Variants in SNAP91 observed in about 807,000 individuals in gnomAD.
SNAP91 encodes the protein clathrin coat assembly protein AP180.
SNAP91 carries 27 observed loss-of-function variants against 100.3 expected under a neutral mutation model. The ratio of observed to expected loss-of-function variants is 0.27; its 90% CI spans 0.20 to 0.37. The LOEUF (loss-of-function observed/expected upper bound fraction) is 0.37, where lower values mean the gene tolerates loss of function less well. Among genes scored for constraint, SNAP91 ranks in the 10% least tolerant of loss-of-function variants. The pLI is 1.00. For missense variants in SNAP91, 986 were observed against 1,123.7 expected (o/e 0.88, Z 1.75); for synonymous variants, 404 against 398.6 (o/e 1.01, Z -0.16).
At chr6:83,593,055 A>G in intron 19 of SNAP91, 38 bp from the exon 20 acceptor site, 1 of 1,546,068 alleles carries the variant, frequency 6.5e-7, no homozygotes, top group Non-Finnish European at 8.8e-7. Flanking sequence ...AAGCAGAGGT[A>G]AGTAGTAGAA....
chr6:83,618,128 C>CA lies in SNAP91; in HGVS notation c.808-1090dup, dbSNP rs139097432. ...AATCTTTAATTTTGAAAATTCAGGA[C>CA]ATTTATTTAATATTCATTTTTCATT... is the stretch of plus-strand genomic sequence containing the variant. On this transcript the variant is annotated intron_variant, in intron 9 of 29. Transcript: ENST00000369694. Among the ~76,000 whole-genome samples, 1,241 of 151,822 alleles carry CA rather than the reference C, an allele frequency of 8.2e-3. 15 individuals carry two copies. The highest frequency in any genetic ancestry group is 0.028 in the African/African-American group (1,171 of 41,504).
At chr6:83,573,553 A>G (rs1812423870) in intron 26 of SNAP91, among the ~76,000 whole-genome samples, 1 of 152,144 alleles carries the variant, frequency 6.6e-6, no homozygotes, top group Non-Finnish European at 1.5e-5. Context: ...TTCAAACTAT[A>G]CTACAAGGCT....
At chr6:83,589,801 C>G (rs2093453689) in intron 22 of SNAP91, among the ~76,000 whole-genome samples, 1 of 152,150 alleles carries the variant, frequency 6.6e-6, no homozygotes, top group Non-Finnish European at 1.5e-5. Flanking sequence ...ACTCAAACTC[C>G]CTACAACTCT....
chr6:83,673,980 CAGG>C (rs1248127131), intron 2 of SNAP91, among the ~76,000 whole-genome samples: 1 of 152,198 alleles, frequency 6.6e-6, no homozygotes, highest in African/African-American at 2.4e-5. Context: ...GCCATCTCAA[CAGG>C]AGGACAGACT....
chr6:83,609,930 C>T (rs1026804991), intron 12 of SNAP91, among the ~76,000 whole-genome samples: 3 of 152,074 alleles, frequency 2.0e-5, no homozygotes, highest in Admixed American at 6.6e-5. Flanking sequence ...AATATAAATA[C>T]GTGAAAATCT....
In SNAP91 at chr6:83,694,166, C is replaced by T. The variant is rs147617350; in HGVS notation, c.130+13632G>A. ...ATGCTGTGTATTCACATCCCATTTCCTTCTGCTCCTGGACTCACAACTAGG... is the reference window on the plus strand; with the variant it reads ...ATGCTGTGTATTCACATCCCATTTCTTTCTGCTCCTGGACTCACAACTAGG... On this transcript the variant is annotated intron_variant, in intron 2 of 29. Coordinates refer to ENST00000369694, the MANE Select transcript of SNAP91 (RefSeq NM_001242792.2). Among the ~76,000 whole-genome samples, 699 of 152,310 alleles carry T rather than the reference C, an allele frequency of 4.6e-3. 7 individuals are homozygous for T. Among genetic ancestry groups the T allele is most frequent in the African/African-American group, 0.016 (671 of 41,574 alleles).
intron 12 of SNAP91, 25 bp from the exon 13 acceptor site, chr6:83,607,833 C>T (rs1223784958): frequency 1.7e-5 from 24 of 1,420,908 alleles, no homozygotes; most frequent in African/African-American, 2.8e-5. Flanking sequence ...GCACAACACA[C>T]TTGAGTCAAA....
chr6:83,558,372 A>G (rs1421886575), intron 28 of SNAP91, among the ~76,000 whole-genome samples: 2 of 152,202 alleles, frequency 1.3e-5, no homozygotes, highest in African/African-American at 4.8e-5. Context: ...TATACCCAAA[A>G]CCTTCCTGAC....
chr6:83,701,593 C>G (rs2099311272), intron 2 of SNAP91, among the ~76,000 whole-genome samples: 1 of 152,010 alleles, frequency 6.6e-6, no homozygotes, highest in Non-Finnish European at 1.5e-5. Flanking sequence ...ATTACAGGTG[C>G]CTGCCACCAC....
chr6:83,695,658 C>T (rs1260094282), intron 2 of SNAP91, among the ~76,000 whole-genome samples: 1 of 152,084 alleles, frequency 6.6e-6, no homozygotes, highest in African/African-American at 2.4e-5. Flanking sequence ...TTTACACTTG[C>T]AGCAATTGAG....
At chr6:83,697,581 T>C (rs2099235579) in intron 2 of SNAP91, among the ~76,000 whole-genome samples, 2 of 152,174 alleles carry the variant, frequency 1.3e-5, no homozygotes, top group Admixed American at 1.3e-4. Flanking sequence ...GATTAAATCG[T>C]TGTCAGATCA....
rs1349324272 is a variant in SNAP91 at position 83,592,539 on chromosome 6, C to T, written c.1847-1G>A. 6.2e-7 allele frequency: 1 copy of T among 1,605,224 alleles called. No homozygotes were observed. On this transcript the variant is annotated splice_acceptor_variant, in intron 20 of 29. Transcript: ENST00000369694. LOFTEE classifies it high-confidence loss of function. ...GGAGATGGTGCTGCAAATGCATCCA[C>T]TGCAGTGAAGCACAGACAGGAAAAA...
chr6:83,704,695 A>G (rs2099357167), intron 2 of SNAP91, among the ~76,000 whole-genome samples: 1 of 151,690 alleles, frequency 6.6e-6, no homozygotes, highest in Non-Finnish European at 1.5e-5. Flanking sequence ...ATACCTTTAA[A>G]AAAAAATGAC....
Position 83,592,894 on chromosome 6 carries a change from G to C in SNAP91, c.1846+52C>G. Reference sequence around the variant, plus strand: ...CCACATGTTATATCCTTCTCTCTATGCATTACTTCCACAAGACATCTCTGA... The same window carrying C: ...CCACATGTTATATCCTTCTCTCTATCCATTACTTCCACAAGACATCTCTGA... On this transcript the variant is annotated intron_variant, in intron 20 of 29. Transcript: ENST00000369694. 2.3e-6 allele frequency: 3 copies of C among 1,282,924 alleles called. No homozygotes were observed. The South Asian group carries it at 3.9e-5, about 16-fold the overall frequency. 79.5% of individuals were successfully genotyped at this position (1,282,924 alleles called of 1,614,324 possible). A position where few individuals can be genotyped will look rare whatever the true frequency, so the allele number is the denominator to read the frequency against.
chr6:83,610,625 C>G, intron 12 of SNAP91, 25 bp downstream of exon 12: 1 of 602,954 alleles, frequency 1.7e-6, no homozygotes, highest in South Asian at 2.2e-5. Flanking sequence ...AAAACAAAAA[C>G]CCCCAAACAA....
rs766600869 is a variant in SNAP91, at chr6:83,601,463, C to G, written c.1157-25G>C. 4.3e-6 allele frequency: 7 copies of G among 1,613,136 alleles called. No homozygotes were observed. The Admixed American group carries it at 8.4e-5, about 19-fold the overall frequency. Reference sequence around the variant, plus strand: ...TCTATATTTCACCAGAGACAGAGAGCAAACGGAGAGAAGAAAAGCAAAGGA... The same window carrying G: ...TCTATATTTCACCAGAGACAGAGAGGAAACGGAGAGAAGAAAAGCAAAGGA... On this transcript the variant is annotated intron_variant, in intron 15 of 29. Transcript: ENST00000369694.
intron 8 of SNAP91, among the ~76,000 whole-genome samples, chr6:83,633,348 G>A (rs1243424754): frequency 1.3e-5 from 2 of 152,166 alleles, no homozygotes; most frequent in East Asian, 3.9e-4. Flanking sequence ...TTTTGTGCTG[G>A]TTGGCCTCCT....
intron 2 of SNAP91, among the ~76,000 whole-genome samples, chr6:83,673,947 T>C (rs895275341): frequency 1.3e-5 from 2 of 152,216 alleles, no homozygotes; most frequent in African/African-American, 4.8e-5. Context: ...AAGAATGTTG[T>C]TGTGTATGCA....
At chr6:83,606,968 C>T (rs2095654040) in intron 13 of SNAP91, among the ~76,000 whole-genome samples, 1 of 152,172 alleles carries the variant, frequency 6.6e-6, no homozygotes, top group Non-Finnish European at 1.5e-5. Context: ...GAGTAAAGCA[C>T]ACAGTTAACA....
Sources: allele counts gnomAD v4.1 joint callset (sites outside exome capture counted in the v4.1 genomes callset), GRCh38; gene constraint gnomAD v4.1.1; transcripts MANE v1.5; gene names NCBI Gene and HGNC (gene_info 2026-07-23, HGNC 2026-07-21).